PIWIL2: variants seen among roughly 807,000 people sequenced by gnomAD.
PIWIL2 encodes piwi like RNA-mediated gene silencing 2.
PIWIL2 carries 81 observed loss-of-function variants against 116.5 expected under a neutral mutation model. The observed-to-expected ratio is 0.70, with a 90% CI of 0.58 to 0.84. PIWIL2 has a LOEUF of 0.84. PIWIL2 is among the 40% of genes least tolerant of loss of function. The probability of loss-of-function intolerance (pLI) is 0.00; values close to 1 mark genes in which losing one functional copy is unlikely to be tolerated. For missense variants in PIWIL2, 1,272 were observed against 1,212.3 expected, an observed-to-expected ratio of 1.05 and a Z score of -0.73; for synonymous variants, 489 against 429.5, an observed-to-expected ratio of 1.14 and a Z score of -1.71.
intron 20 of PIWIL2, among the ~76,000 whole-genome samples, chr8:22,326,167 G>A (rs541045710): frequency 3.3e-5 from 5 of 152,054 alleles, no homozygotes; most frequent in South Asian, 2.1e-4. Context: ...TCCCAGCCTG[G>A]AAGGTTTTAC....
chr8:22,354,368 C>A lies in PIWIL2; in HGVS notation c.2755C>A (p.His919Asn). ...VLNTANLSPDHMQRLTFKLCH... is the reference protein window; with the variant it reads ...VLNTANLSPDNMQRLTFKLCH... Reference sequence around the variant, plus strand: ...CAACACCGCAAACCTGAGCCCTGATCATATGCAGAGGTGGGCCCATCAGTA... The same window carrying A: ...CAACACCGCAAACCTGAGCCCTGATAATATGCAGAGGTGGGCCCATCAGTA... The change falls in exon 22 of 23, where the codon CAT becomes AAT. Residue 919 changes from histidine (H) to asparagine (N), a missense_variant. His to Asn is a moderately conservative substitution (Grantham distance 68). Transcript: ENST00000356766. 1 of 1,605,284 alleles carries A rather than the reference C, an allele frequency of 6.2e-7. No individual in the cohort carries two copies. Among genetic ancestry groups the A allele is most frequent in the Non-Finnish European group, 8.5e-7 (1 of 1,172,022 alleles).
chr8:22,284,424 T>A (rs2131987483), intron 6 of PIWIL2, 152 bp downstream of exon 6: 1 of 480,062 alleles, frequency 2.1e-6, no homozygotes, highest in East Asian at 3.4e-5. Context: ...AAGTTTAAGG[T>A]TAATCTTAAA....
At position 22,284,219 on chromosome 8, in the gene PIWIL2, C is replaced by G. The variant is rs756686600; in HGVS notation, c.690C>G (p.Leu230=). ...KGTPQSLGLN[L]VKIQCHNEAV... The stretch of plus-strand genomic sequence containing the variant: ...CACCTCAGTCTTTGGGACTGAACCT[C>G]GTCAAAATACAGTGTCATAATGAAG... The change falls in exon 6 of 23, where the codon CTC becomes CTG. Residue 230 remains leucine (L), a synonymous_variant. Coordinates refer to ENST00000356766, the MANE Select transcript of PIWIL2 (RefSeq NM_018068.5). 1.0e-5 allele frequency: 16 copies of G among 1,606,404 alleles called. No homozygotes were observed. The highest frequency in any genetic ancestry group is 1.4e-5 in the Non-Finnish European group (16 of 1,176,092).
intron 10 of PIWIL2, among the ~76,000 whole-genome samples, chr8:22,292,649 C>A (rs551628025): frequency 6.6e-6 from 1 of 152,210 alleles, no homozygotes; most frequent in African/African-American, 2.4e-5. Context: ...ATTTGGAGTT[C>A]ATGAATTGGG....
At chr8:22,298,055 G>A (rs1830953917) in intron 10 of PIWIL2, among the ~76,000 whole-genome samples, 1 of 152,042 alleles carries the variant, frequency 6.6e-6, no homozygotes, top group African/African-American at 2.4e-5. Flanking sequence ...CCAAGAGTTC[G>A]AAACCAGCCT....
intron 20 of PIWIL2, among the ~76,000 whole-genome samples, chr8:22,348,713 C>T (rs1832284261): frequency 6.6e-6 from 1 of 152,136 alleles, no homozygotes; most frequent in Non-Finnish European, 1.5e-5. Flanking sequence ...CGCTTGAGCC[C>T]AGAAGGTTGA....
chr8:22,329,574 C>G (rs117036346), intron 20 of PIWIL2, among the ~76,000 whole-genome samples: 7,563 of 152,240 alleles, frequency 0.05, 292 homozygotes, highest in Admixed American at 0.086. Context: ...AGGGGATGGC[C>G]CAAGCCATTC....
chr8:22,280,539 G>T (rs1482250772), intron 2 of PIWIL2, among the ~76,000 whole-genome samples: 2 of 152,196 alleles, frequency 1.3e-5, no homozygotes, highest in African/African-American at 4.8e-5. Flanking sequence ...AAAAGTTTAT[G>T]AAAGTAATCT....
chr8:22,294,739 T>C (rs570375768), intron 10 of PIWIL2, among the ~76,000 whole-genome samples: 38 of 149,460 alleles, frequency 2.5e-4, no homozygotes, highest in Non-Finnish European at 5.2e-4. Context: ...TTGAAAAATA[T>C]GGCATGTCTT....
At chr8:22,312,310 T>C (rs1348173380) in intron 16 of PIWIL2, among the ~76,000 whole-genome samples, 1 of 151,736 alleles carries the variant, frequency 6.6e-6, no homozygotes. Flanking sequence ...CTGTCACCCA[T>C]GTGGAGTACA....
In PIWIL2 at chr8:22,290,334, T is replaced by A; in HGVS notation, c.1169T>A (p.Val390Glu). 1 of 1,597,638 alleles carries A rather than the reference T, an allele frequency of 6.3e-7. No homozygotes were observed. Among genetic ancestry groups the A allele is most frequent in the Non-Finnish European group, 8.6e-7 (1 of 1,165,548 alleles). Residue 390 changes from valine to glutamate, a missense_variant, in exon 10 of 23, where the codon GTG becomes GAG. By Grantham distance (121) the Val-to-Glu change is moderately radical. Transcript: ENST00000356766. ...VSHKVIRNDCVLDVMHAIYQQ... is the reference protein window; with the variant it reads ...VSHKVIRNDCELDVMHAIYQQ... ...CATAAGGTCATTCGGAATGACTGTG[T>A]GCTGGATGTCATGTGAGTGAATGGT...
At chr8:22,350,656 C>T (rs1253949677) in intron 20 of PIWIL2, among the ~76,000 whole-genome samples, 38 of 152,046 alleles carry the variant, frequency 2.5e-4, no homozygotes. Flanking sequence ...AGATGAATTA[C>T]ATACTTGTAA....
chr8:22,345,174 G>A (rs1832196935), intron 20 of PIWIL2, among the ~76,000 whole-genome samples: 1 of 152,158 alleles, frequency 6.6e-6, no homozygotes, highest in Non-Finnish European at 1.5e-5. Flanking sequence ...GGGCAACATA[G>A]ACTCCATATG....
At chr8:22,277,280 C>T (rs1830399380) in intron 1 of PIWIL2, among the ~76,000 whole-genome samples, 1 of 152,166 alleles carries the variant, frequency 6.6e-6, no homozygotes, top group South Asian at 2.1e-4. Context: ...CCTCGGCCTC[C>T]CAAAGTGCTG....
At chr8:22,352,885 G>C (rs753549886) in intron 20 of PIWIL2, 74 bp from the exon 21 acceptor site, 11 of 1,437,636 alleles carry the variant, frequency 7.7e-6, no homozygotes, top group Non-Finnish European at 1.1e-5. Flanking sequence ...TACACAATGC[G>C]AGTGGGCCTC....
intron 20 of PIWIL2, among the ~76,000 whole-genome samples, chr8:22,331,626 G>A (rs1831863978): frequency 6.6e-6 from 1 of 152,106 alleles, no homozygotes; most frequent in Non-Finnish European, 1.5e-5. Context: ...CTCAGTACAT[G>A]GGTGTATTAG....
intron 10 of PIWIL2, among the ~76,000 whole-genome samples, chr8:22,300,337 G>A (rs532236233): frequency 7.2e-5 from 11 of 152,104 alleles, no homozygotes; most frequent in African/African-American, 2.7e-4. Flanking sequence ...ATTGTTGTAT[G>A]TTGCAAATGT....
At chr8:22,353,264 T>A (rs771760601) in intron 21 of PIWIL2, 52 bp downstream of exon 21, 1 of 1,521,980 alleles carries the variant, frequency 6.6e-7, no homozygotes, top group Non-Finnish European at 9.0e-7. Context: ...GGAGATGTTG[T>A]CACTTTCCTG....
At chr8:22,296,115 G>T (rs999218812) in intron 10 of PIWIL2, among the ~76,000 whole-genome samples, 3 of 146,992 alleles carry the variant, frequency 2.0e-5, no homozygotes, top group African/African-American at 7.6e-5. Context: ...GAGTGCAGTG[G>T]TGCGATCTCG....
Sources: gnomAD v4.1 joint callset for allele counts (sites outside exome capture counted in the v4.1 genomes callset) on GRCh38, gnomAD v4.1.1 for gene constraint, MANE v1.5 for transcripts, NCBI Gene and HGNC (gene_info 2026-07-23, HGNC 2026-07-21) for gene names.